WLS: variants seen among roughly 807,000 people sequenced by gnomAD.
The protein encoded by WLS is Wnt ligand secretion mediator.
In WLS, 23 loss-of-function variants were observed where a neutral mutation model predicts 62.8. The observed-to-expected ratio is 0.37, with a 90% CI of 0.26 to 0.52. WLS has a LOEUF of 0.52. Among genes scored for constraint, WLS ranks in the 20% least tolerant of loss-of-function variants. The pLI is 0.92. For missense variants in WLS, 615 were observed against 697.3 expected (o/e 0.88, Z 1.33); for synonymous variants, 246 against 244.1 (o/e 1.01, Z -0.07).
At chr1:68,121,852 G>A (rs761455354), downstream of WLS, among the ~76,000 whole-genome samples, 4 of 152,182 alleles carry the variant, frequency 2.6e-5, no homozygotes, top group Non-Finnish European at 4.4e-5. Context: ...CCCACACTAT[G>A]CTAGGCACTT....
At chr1:68,165,657 T>C (rs1238035070) in intron 2 of WLS, among the ~76,000 whole-genome samples, 3 of 152,150 alleles carry the variant, frequency 2.0e-5, no homozygotes, top group African/African-American at 7.2e-5. Flanking sequence ...AAGGCCCCTC[T>C]CTTTATGGGA....
chr1:68,166,714 T>G (rs574411213), intron 2 of WLS, among the ~76,000 whole-genome samples: 3 of 152,360 alleles, frequency 2.0e-5, no homozygotes, highest in African/African-American at 7.2e-5. Flanking sequence ...AATTATCTAA[T>G]CTAAGCTTTC....
rs563321708 is a variant in WLS, at chr1:68,133,039, G to A, written c.1516+4741C>T. Among the ~76,000 whole-genome samples the A allele has an allele frequency of 2.3e-4, 30 of 131,462 alleles. 1 individual carries two copies. The highest frequency in any genetic ancestry group is 3.8e-4 in the Non-Finnish European group (23 of 59,790). 86.2% of individuals were successfully genotyped at this position (131,462 alleles called of 152,430 possible). A position where few individuals can be genotyped will look rare whatever the true frequency, so the allele number is the denominator to read the frequency against. On this transcript the variant is annotated intron_variant, in intron 11 of 11. Coordinates refer to ENST00000262348, the MANE Select transcript of WLS (RefSeq NM_024911.7). ...AACAGGTAAAAAGAACAACTGTCAT[G>A]AAAAGGCAGCAGCAGCAACAGCAAC... is the stretch of plus-strand genomic sequence containing the variant.
chr1:68,209,251 T>C (rs1221256579), intron 1 of WLS, among the ~76,000 whole-genome samples: 4 of 152,222 alleles, frequency 2.6e-5, no homozygotes, highest in African/African-American at 9.6e-5. Flanking sequence ...CATCCAGGCT[T>C]ACAAGAAAAA....
chr1:68,189,996 G>A (rs981033344), intron 2 of WLS, among the ~76,000 whole-genome samples: 9 of 152,176 alleles, frequency 5.9e-5, no homozygotes, highest in Admixed American at 1.3e-4. Flanking sequence ...GTGACAGAGC[G>A]AGACTCCGTC....
chr1:68,186,677 T>A (rs1647963310), intron 2 of WLS: 2 of 456,028 alleles, frequency 4.4e-6, no homozygotes, highest in Non-Finnish European at 8.8e-6. Flanking sequence ...AAAGTAATGA[T>A]AAACAATATA....
In WLS at chr1:68,232,324, C is replaced by G. The variant is rs1346000089; in HGVS notation, c.-25G>C. On this transcript the variant is annotated 5_prime_UTR_variant, in exon 1 of 12. Coordinates refer to ENST00000262348, the MANE Select transcript of WLS (RefSeq NM_024911.7). Reference sequence around the variant, plus strand: ...TTTTTGCGCCCCCCCTTTTTCTTTTCTCCTTGAAATAAATGTTTTAGGGTG... The same window carrying G: ...TTTTTGCGCCCCCCCTTTTTCTTTTGTCCTTGAAATAAATGTTTTAGGGTG... The G allele has an allele frequency of 6.2e-7, 1 of 1,612,426 alleles. No individual in the cohort carries two copies. Among genetic ancestry groups the G allele is most frequent in the South Asian group, 1.1e-5 (1 of 90,754 alleles).
At chr1:68,120,782 A>G (rs538627979), downstream of WLS, among the ~76,000 whole-genome samples, 15 of 152,310 alleles carry the variant, frequency 9.8e-5, no homozygotes, top group South Asian at 3.1e-3. Context: ...GCCTAGGCCA[A>G]AGGAGCTTTT....
In WLS at chr1:68,232,124, C is replaced by T. The variant is rs1028004280; in HGVS notation, c.106+70G>A. On this transcript the variant is annotated intron_variant, in intron 1 of 11. Coordinates refer to ENST00000262348, the MANE Select transcript of WLS (RefSeq NM_024911.7). The stretch of plus-strand genomic sequence containing the variant: ...AGGCAGTGATACTGTAACAAGTAGC[C>T]CAAGAGGCAAAGAGGGAAGGGGCCC... 12 of 1,598,930 alleles carry T rather than the reference C, an allele frequency of 7.5e-6. 1 individual carries two copies. The East Asian group carries it at 8.9e-5, about 12-fold the overall frequency.
At chr1:68,178,459 G>A (rs1035811138) in intron 2 of WLS, among the ~76,000 whole-genome samples, 1 of 152,050 alleles carries the variant, frequency 6.6e-6, no homozygotes, top group Non-Finnish European at 1.5e-5. Context: ...CCAGCACTTT[G>A]GGACTTTGGG....
chr1:68,209,717 G>A (rs1410720675), intron 1 of WLS, among the ~76,000 whole-genome samples: 2 of 152,054 alleles, frequency 1.3e-5, no homozygotes, highest in African/African-American at 4.8e-5. Flanking sequence ...GGAAGCGGAG[G>A]TTGCGGTGAG....
chr1:68,151,022 G>GT (rs1331631002), intron 5 of WLS, among the ~76,000 whole-genome samples: 1 of 152,212 alleles, frequency 6.6e-6, no homozygotes, highest in Non-Finnish European at 1.5e-5. Flanking sequence ...AACAGGACCT[G>GT]TTTTTTCACT....
chr1:68,105,045 C>T (rs1646126047), intron 11 of WLS, among the ~76,000 whole-genome samples: 2 of 152,204 alleles, frequency 1.3e-5, no homozygotes, highest in Admixed American at 1.3e-4. Flanking sequence ...TATGTGGTCC[C>T]ATTCTCTTCA....
intron 11 of WLS, among the ~76,000 whole-genome samples, chr1:68,104,873 T>G (rs1381243491): frequency 6.6e-6 from 1 of 152,234 alleles, no homozygotes; most frequent in Admixed American, 6.5e-5. Flanking sequence ...GTAGCCATGA[T>G]CGTGCCTCTG....
In WLS at chr1:68,125,927, G is replaced by T; in HGVS notation, c.*299C>A. 1 of 1,098,074 alleles carries T rather than the reference G, an allele frequency of 9.1e-7. No homozygotes were observed. Among genetic ancestry groups the T allele is most frequent in the Non-Finnish European group, 1.1e-6 (1 of 903,650 alleles). 68.0% of individuals were successfully genotyped at this position (1,098,074 alleles called of 1,614,324 possible). A position where few individuals can be genotyped will look rare whatever the true frequency, so the allele number is the denominator to read the frequency against. On this transcript the variant is annotated 3_prime_UTR_variant, in exon 12 of 12. Coordinates refer to ENST00000262348, the MANE Select transcript of WLS (RefSeq NM_024911.7). ...ATACACCCCCACCCCACCCCCACAT[G>T]AGGTTTACTAACCAGCTGCTACAGA...
chr1:68,220,001 C>T (rs532375862), intron 1 of WLS, among the ~76,000 whole-genome samples: 22 of 152,168 alleles, frequency 1.4e-4, no homozygotes, highest in African/African-American at 5.1e-4. Flanking sequence ...TGAGTGATAT[C>T]CATTTAAAAA....
At chr1:68,149,891 C>T (rs886875455) in intron 6 of WLS, among the ~76,000 whole-genome samples, 1 of 152,212 alleles carries the variant, frequency 6.6e-6, no homozygotes, top group African/African-American at 2.4e-5. Flanking sequence ...AAGTTACTCA[C>T]ATTCTGTCAT....
intron 2 of WLS, among the ~76,000 whole-genome samples, chr1:68,174,381 A>G (rs1647199911): frequency 6.6e-6 from 1 of 152,184 alleles, no homozygotes; most frequent in South Asian, 2.1e-4. Flanking sequence ...ATTTAAAGAT[A>G]AGGTCCTTCC....
At chr1:68,143,407 G>A (rs1646712764) in intron 10 of WLS, among the ~76,000 whole-genome samples, 1 of 152,204 alleles carries the variant, frequency 6.6e-6, no homozygotes, top group Admixed American at 6.5e-5. Flanking sequence ...AGCTACTCAT[G>A]CTTACAATGT....
Sources: allele counts gnomAD v4.1 joint callset (sites outside exome capture counted in the v4.1 genomes callset), GRCh38; gene constraint gnomAD v4.1.1; transcripts MANE v1.5; gene names NCBI Gene and HGNC (gene_info 2026-07-23, HGNC 2026-07-21).